The following CMBL variants were observed in gnomAD, a reference collection of about 807,000 sequenced individuals.
The protein encoded by CMBL is carboxymethylenebutenolidase homolog (Pseudomonas).
In CMBL, 17 loss-of-function variants were observed where a neutral mutation model predicts 28.7. The observed-to-expected ratio is 0.59, with a 90% confidence interval of 0.41 to 0.89. The LOEUF is 0.89. CMBL is among the 40% of genes least tolerant of loss of function. The pLI is 0.00. For synonymous variants in CMBL, 106 were observed against 101.6 expected, an observed-to-expected ratio of 1.04 and a Z score of -0.26; for missense variants, 310 against 298.5, an observed-to-expected ratio of 1.04 and a Z score of -0.28.
intron 1 of CMBL, among the ~76,000 whole-genome samples, chr5:10,295,947 A>G (rs1021125842): frequency 6.6e-6 from 1 of 152,200 alleles, no homozygotes. Flanking sequence ...TAGTGCTCAC[A>G]TGCTATCTAG....
At chr5:10,282,114 C>A in intron 5 of CMBL, 83 bp downstream of exon 5, 1 of 936,740 alleles carries the variant, frequency 1.1e-6, no homozygotes, top group South Asian at 1.4e-5. Context: ...GAGCCGAGAT[C>A]GCGCCACTGC....
chr5:10,295,737 G>A (rs571337205), intron 1 of CMBL, among the ~76,000 whole-genome samples: 35 of 152,290 alleles, frequency 2.3e-4, no homozygotes, highest in African/African-American at 8.2e-4. Flanking sequence ...CCAGCGCCTC[G>A]ATCTTGGACT....
At chr5:10,285,174 T>C (rs75439435) in intron 4 of CMBL, among the ~76,000 whole-genome samples, 4,564 of 152,066 alleles carry the variant, frequency 0.03, 135 homozygotes, top group South Asian at 0.14. Flanking sequence ...CAAGTAATTT[T>C]TTTCTTTTTC....
rs766412476 is a variant in CMBL at position 10,286,420 on chromosome 5, C to T, written c.400G>A (p.Gly134Ser). 6.2e-7 allele frequency: 1 copy of T among 1,614,054 alleles called. No homozygotes were observed. Among genetic ancestry groups the T allele is most frequent in the Admixed American group, 1.7e-5 (1 of 60,006 alleles). The change falls in exon 4 of 6, where the codon GGT (glycine) becomes AGT (serine). Residue 134 changes from glycine to serine, a missense_variant. Transcript: ENST00000296658. ...ATCAAATGATGGACAGCAGTTCCAC[C>T]CCAGCAGAATCCCACGATGCCAATT... ...QKIGIVGFCWGGTAVHHLMMK... is the reference protein window; with the variant it reads ...QKIGIVGFCWSGTAVHHLMMK...
At chr5:10,291,616 G>C (rs10060924) in intron 1 of CMBL, among the ~76,000 whole-genome samples, 35,291 of 150,328 alleles carry the variant, frequency 0.23, 5,853 homozygotes, top group African/African-American at 0.47. Context: ...AGCCGAGATC[G>C]CGCCACTGCA....
chr5:10,302,099 C>T (rs540059579), intron 1 of CMBL, among the ~76,000 whole-genome samples: 26 of 152,280 alleles, frequency 1.7e-4, no homozygotes, highest in Admixed American at 1.6e-3. Context: ...AGCCAGGCCA[C>T]GCCTTGTGCC....
At chr5:10,290,311 A>G in intron 2 of CMBL, 2 of 531,566 alleles carry the variant, frequency 3.8e-6, no homozygotes, top group Admixed American at 3.3e-5. Context: ...CAGCAAGTCT[A>G]AAGGCCAGGT....
intron 3 of CMBL, among the ~76,000 whole-genome samples, chr5:10,287,019 T>G (rs1292925629): frequency 6.6e-6 from 1 of 152,094 alleles, no homozygotes; most frequent in Non-Finnish European, 1.5e-5. Flanking sequence ...GCTCGTCTCC[T>G]CCCCCTGCCG....
At chr5:10,302,563 C>T (rs1358625994) in intron 1 of CMBL, among the ~76,000 whole-genome samples, 3 of 150,444 alleles carry the variant, frequency 2.0e-5, no homozygotes, top group Non-Finnish European at 4.4e-5. Flanking sequence ...GCAGGAGAAT[C>T]GCTTGAACCC....
chr5:10,282,592 G>A (rs1277238781), intron 4 of CMBL, among the ~76,000 whole-genome samples: 1 of 151,944 alleles, frequency 6.6e-6, no homozygotes, highest in South Asian at 2.1e-4. Context: ...AGAGCAGCCT[G>A]GGTAACATCG....
At chr5:10,286,134 A>T (rs927552054) in intron 4 of CMBL, 4 of 434,158 alleles carry the variant, frequency 9.2e-6, no homozygotes, top group Non-Finnish European at 1.6e-5. Context: ...CCAAAGTCAC[A>T]CCACTGGGAC....
Position 10,307,874 on chromosome 5 carries a change from A to AGG in CMBL, c.-271_-270dup, listed in dbSNP as rs1393695398. 1 of 116,846 alleles carries AGG rather than the reference A, an allele frequency of 8.6e-6. No individual in the cohort carries two copies. The highest frequency in any genetic ancestry group is 9.8e-5 in the Admixed American group (1 of 10,174). 7.2% of individuals were successfully genotyped at this position (116,846 alleles called of 1,614,324 possible). ...GGGAAGGGAAGGAAGGCCAGGAGGG[A>AGG]GGGAGGCGCAGTGGGGAGGAGACGA... On this transcript the variant is annotated 5_prime_UTR_variant, in exon 1 of 6. Coordinates refer to ENST00000296658, the MANE Select transcript of CMBL (RefSeq NM_138809.4).
chr5:10,282,261 T>C lies in CMBL; in HGVS notation c.494A>G (p.Tyr165Cys), dbSNP rs1242654064. ...GAACAAAGTGGGGTTCTTTAAATTG[T>C]AAATGTCTTCAGAATCCTTGACAAT... ...YGIVKDSEDI[Y>C]NLKNPTLFIF... The change falls in exon 5 of 6, where the codon TAC (tyrosine) becomes TGC (cysteine). Residue 165 changes from tyrosine to cysteine, a missense_variant. Transcript: ENST00000296658. 1 of 1,611,972 alleles carries C rather than the reference T, an allele frequency of 6.2e-7. No homozygotes were observed.
chr5:10,286,888 C>G (rs1056261393), intron 3 of CMBL, among the ~76,000 whole-genome samples: 1 of 152,200 alleles, frequency 6.6e-6, no homozygotes, highest in Non-Finnish European at 1.5e-5. Flanking sequence ...TCCCCTGAGT[C>G]TCCCAGGAGA....
rs1007770849 is a variant in CMBL at position 10,279,172 on chromosome 5, G to C, written c.*1281C>G. On this transcript the variant is annotated 3_prime_UTR_variant, in exon 6 of 6. Coordinates refer to ENST00000296658, the MANE Select transcript of CMBL (RefSeq NM_138809.4). ...TTTCTGAGGTAGCCTCAGGCCCTGGGACCCAAAAATGCCAGTGCTTGGAAA... is the reference window on the plus strand; with the variant it reads ...TTTCTGAGGTAGCCTCAGGCCCTGGCACCCAAAAATGCCAGTGCTTGGAAA... The C allele has an allele frequency of 7.9e-5, 12 of 152,114 alleles. No individual in the cohort carries two copies. Among genetic ancestry groups the C allele is most frequent in the African/African-American group, 2.9e-4 (12 of 41,418 alleles). The allele number at this position is 152,114 out of a possible 1,614,324, so 9.4% of individuals were successfully genotyped here. A position where few individuals can be genotyped will look rare whatever the true frequency, so the allele number is the denominator to read the frequency against.
At chr5:10,290,032 G>A (rs1746677587) in intron 2 of CMBL, among the ~76,000 whole-genome samples, 1 of 152,234 alleles carries the variant, frequency 6.6e-6, no homozygotes, top group South Asian at 2.1e-4. Flanking sequence ...CACTTGGCCA[G>A]ACAAAGAGGT....
At chr5:10,303,897 G>T (rs1579478953) in intron 1 of CMBL, among the ~76,000 whole-genome samples, 1 of 152,032 alleles carries the variant, frequency 6.6e-6, no homozygotes, top group Non-Finnish European at 1.5e-5. Flanking sequence ...ACATGGTTCT[G>T]GCCTGTCTAC....
At chr5:10,304,771 GT>G (rs377520141) in intron 1 of CMBL, among the ~76,000 whole-genome samples, 13 of 149,552 alleles carry the variant, frequency 8.7e-5, no homozygotes, top group African/African-American at 2.2e-4. Context: ...TAGACAACAT[GT>G]TTTTTTTTTA....
At chr5:10,302,437 G>T (rs1201829085) in intron 1 of CMBL, among the ~76,000 whole-genome samples, 1 of 149,730 alleles carries the variant, frequency 6.7e-6, no homozygotes, top group Non-Finnish European at 1.5e-5. Flanking sequence ...TTGAGGCAAG[G>T]ATCCAAGACC....
Sources: gnomAD v4.1 joint callset for allele counts (sites outside exome capture counted in the v4.1 genomes callset) on GRCh38, gnomAD v4.1.1 for gene constraint, MANE v1.5 for transcripts, NCBI Gene and HGNC (gene_info 2026-07-23, HGNC 2026-07-21) for gene names.